Variants in CHSY1 observed in about 807,000 individuals in gnomAD.
CHSY1 encodes chondroitin sulfate synthase 1.
CHSY1 carries 13 observed loss-of-function variants against 59.8 expected under a neutral mutation model. That is an observed-to-expected ratio of 0.22 (90% CI 0.14 to 0.35). CHSY1 has a LOEUF of 0.35. Among genes scored for constraint, CHSY1 ranks in the 10% least tolerant of loss-of-function variants. The pLI is 1.00. For synonymous variants in CHSY1, 459 were observed against 401.2 expected, an observed-to-expected ratio of 1.14 and a Z score of -1.72; for missense variants, 947 against 1,030.6, an observed-to-expected ratio of 0.92 and a Z score of 1.11.
intron 2 of CHSY1, among the ~76,000 whole-genome samples, chr15:101,218,547 G>T (rs563852755): frequency 6.6e-6 from 1 of 152,168 alleles, no homozygotes; most frequent in Non-Finnish European, 1.5e-5. Context: ...CCTGGGAGGC[G>T]GAGGTTGCAG....
chr15:101,251,220 G>A lies in CHSY1; in HGVS notation c.237C>T (p.Gly79=). The A allele has an allele frequency of 2.5e-6, 4 of 1,590,132 alleles. No homozygotes were observed. Among genetic ancestry groups the A allele is most frequent in the Non-Finnish European group, 2.6e-6 (3 of 1,172,646 alleles). Reference sequence around the variant, plus strand: ...AGAGAAAGTTCCTGTCGCGCGGGCCGCCATCTGGGTCCGAGCCGGGCGGCC... The same window carrying A: ...AGAGAAAGTTCCTGTCGCGCGGGCCACCATCTGGGTCCGAGCCGGGCGGCC... ...QLWPPGSDPD[G]GPRDRNFLFV... Residue 79 remains glycine (G), a synonymous_variant, in exon 1 of 3, where the codon GGC becomes GGT. Coordinates refer to ENST00000254190, the MANE Select transcript of CHSY1 (RefSeq NM_014918.5).
At chr15:101,208,483 C>T (rs1219605695) in intron 2 of CHSY1, among the ~76,000 whole-genome samples, 2 of 152,076 alleles carry the variant, frequency 1.3e-5, no homozygotes, top group Non-Finnish European at 1.5e-5. Context: ...GAACCCAAGG[C>T]GGGTGGATCA....
At chr15:101,183,208 G>C (rs1356767797) in intron 2 of CHSY1, among the ~76,000 whole-genome samples, 1 of 152,026 alleles carries the variant, frequency 6.6e-6, no homozygotes, top group African/African-American at 2.4e-5. Flanking sequence ...GCACACAGGA[G>C]GGAAAACAAC....
intron 1 of CHSY1, 49 bp downstream of exon 1, chr15:101,251,073 ACCCGGGATGCCGGCC>A: frequency 6.9e-7 from 1 of 1,459,054 alleles, no homozygotes; most frequent in Non-Finnish European, 9.2e-7. Flanking sequence ...CCAGGAGAGC[ACCCGGGATGCCGGCC>A]GCCGGGATGC....
At chr15:101,232,732 C>T (rs1023276243) in intron 2 of CHSY1, among the ~76,000 whole-genome samples, 5 of 152,192 alleles carry the variant, frequency 3.3e-5, no homozygotes, top group African/African-American at 1.2e-4. Flanking sequence ...CAGAATAAAG[C>T]ACTTCAACAA....
Position 101,251,277 on chromosome 15 carries a change from C to T in CHSY1, c.180G>A (p.Gly60=). The change falls in exon 1 of 3, where the codon GGG becomes GGA. Residue 60 remains glycine (G), a synonymous_variant. Transcript: ENST00000254190. ...GCGCCCCGCGCGCATCGCCGCGCGC[C>T]CCGCCGGCCTGGGAAGCCGCCGCCT... ...SGQAAASQAG[G]ARGDARGAQL... 7.7e-7 allele frequency: 1 copy of T among 1,292,314 alleles called. No individual in the cohort carries two copies. Among genetic ancestry groups the T allele is most frequent in the Non-Finnish European group, 9.8e-7 (1 of 1,023,676 alleles). The allele number at this position is 1,292,314 out of a possible 1,614,324, so 80.1% of individuals were successfully genotyped here. A position where few individuals can be genotyped will look rare whatever the true frequency, so the allele number is the denominator to read the frequency against.
intron 2 of CHSY1, among the ~76,000 whole-genome samples, chr15:101,190,280 G>A (rs570917659): frequency 6.6e-6 from 1 of 152,252 alleles, no homozygotes; most frequent in East Asian, 1.9e-4. Flanking sequence ...GGGTGGGGAA[G>A]GGAAGCTAGT....
intron 2 of CHSY1, among the ~76,000 whole-genome samples, chr15:101,190,248 G>T (rs1222372167): frequency 1.2e-5 from 1 of 81,026 alleles, no homozygotes; most frequent in African/African-American, 4.8e-5. Flanking sequence ...GAGGGAGTGG[G>T]TTTGTTTTTC....
rs773824794 is a variant in CHSY1, at chr15:101,178,175, G to C, written c.1622C>G (p.Ser541Cys). 6.2e-7 allele frequency: 1 copy of C among 1,614,116 alleles called. No homozygotes were observed. The highest frequency in any genetic ancestry group is 1.3e-5 in the African/African-American group (1 of 74,946). ...TCTCACAAACATGTCGAAACGCCCA[G>C]ACAAAGGAATCAGTATGTTTATCTT... Reference protein sequence around the residue: ...DKKINILIPLSGRFDMFVRFM... With the variant: ...DKKINILIPLCGRFDMFVRFM... Residue 541 changes from serine to cysteine, a missense_variant, in exon 3 of 3, where the codon TCT (serine) becomes TGT (cysteine). Transcript: ENST00000254190.
chr15:101,236,089 TATTA>T (rs2038938597), intron 1 of CHSY1, among the ~76,000 whole-genome samples: 2 of 152,028 alleles, frequency 1.3e-5, no homozygotes, highest in African/African-American at 4.8e-5. Flanking sequence ...CTAATGTATA[TATTA>T]TTATGAACTA....
rs1369809105 is a variant in CHSY1 at position 101,251,366 on chromosome 15, C to T, written c.91G>A (p.Ala31Thr). 1 of 1,160,954 alleles carries T rather than the reference C, an allele frequency of 8.6e-7. No individual in the cohort carries two copies. The highest frequency in any genetic ancestry group is 1.1e-6 in the Non-Finnish European group (1 of 923,780). 71.9% of individuals were successfully genotyped at this position (1,160,954 alleles called of 1,614,324 possible). A position where few individuals can be genotyped will look rare whatever the true frequency, so the allele number is the denominator to read the frequency against. ...VLASRLVLPR[A>T]SELKRAGPRR... is the part of the protein sequence containing the mutation. Reference sequence around the variant, plus strand: ...GGGCCCGCTCGCTTCAGCTCGGAAGCCCGGGGCAGGACGAGCCGCGAGGCC... The same window carrying T: ...GGGCCCGCTCGCTTCAGCTCGGAAGTCCGGGGCAGGACGAGCCGCGAGGCC... The change falls in exon 1 of 3, where the codon GCT becomes ACT. Residue 31 changes from alanine to threonine, a missense_variant. By Grantham distance (58) the Ala-to-Thr change is moderately conservative. Around this residue, in one of 4 missense-constraint regions of CHSY1, gnomAD observed 232 missense variants for 188.5 expected, o/e 1.23. Transcript: ENST00000254190.
intron 2 of CHSY1, among the ~76,000 whole-genome samples, chr15:101,190,407 G>A (rs990637865): frequency 6.6e-6 from 1 of 152,136 alleles, no homozygotes; most frequent in Non-Finnish European, 1.5e-5. Flanking sequence ...CAACCCTTGG[G>A]GCTGGAACAA....
At chr15:101,196,237 A>C (rs1317050500) in intron 2 of CHSY1, among the ~76,000 whole-genome samples, 2 of 152,022 alleles carry the variant, frequency 1.3e-5, no homozygotes, top group Non-Finnish European at 2.9e-5. Flanking sequence ...CTCAAAAAAA[A>C]AAAAAAAAAC....
chr15:101,249,107 T>C (rs2039081454), intron 1 of CHSY1, among the ~76,000 whole-genome samples: 1 of 152,056 alleles, frequency 6.6e-6, no homozygotes. Context: ...CCGGCCTGCA[T>C]TACATTTTCT....
chr15:101,220,640 T>C (rs2038779331), intron 2 of CHSY1, among the ~76,000 whole-genome samples: 1 of 152,170 alleles, frequency 6.6e-6, no homozygotes, highest in Admixed American at 6.5e-5. Context: ...AGGGACCCTC[T>C]GGAAATGGAG....
At chr15:101,234,816 G>A (rs961665526) in intron 2 of CHSY1, among the ~76,000 whole-genome samples, 18 of 152,142 alleles carry the variant, frequency 1.2e-4, no homozygotes, top group African/African-American at 3.9e-4. Flanking sequence ...AAAGTGAGCC[G>A]AGATGGCGCC....
intron 2 of CHSY1, among the ~76,000 whole-genome samples, chr15:101,199,457 T>C (rs917132391): frequency 1.3e-5 from 2 of 152,196 alleles, no homozygotes; most frequent in Non-Finnish European, 2.9e-5. Context: ...GAGCCGAGAT[T>C]GTGCTACTGC....
chr15:101,189,803 C>T (rs1006530038), intron 2 of CHSY1, among the ~76,000 whole-genome samples: 2 of 152,248 alleles, frequency 1.3e-5, no homozygotes, highest in African/African-American at 2.4e-5. Context: ...CCAACCACCC[C>T]CACCACCGCC....
intron 2 of CHSY1, among the ~76,000 whole-genome samples, chr15:101,181,820 A>G (rs772750400): frequency 2.0e-5 from 3 of 152,200 alleles, no homozygotes; most frequent in Non-Finnish European, 2.9e-5. Flanking sequence ...CATGCAGTCA[A>G]AAACCCATGT....
Sources: allele counts gnomAD v4.1 joint callset (sites outside exome capture counted in the v4.1 genomes callset), GRCh38; gene constraint gnomAD v4.1.1; regional missense constraint gnomAD v4.1.1; transcripts MANE v1.5; gene names NCBI Gene and HGNC (gene_info 2026-07-23, HGNC 2026-07-21).